CEP164: variants seen among roughly 807,000 people sequenced by gnomAD.
CEP164 encodes centrosomal protein 164, also known as centrosomal protein of 164 kDa.
CEP164 carries 162 observed loss-of-function variants against 182.7 expected under a neutral mutation model. That is an observed-to-expected ratio of 0.89 (90% CI 0.78 to 1.01). The LOEUF is 1.01. CEP164 is among the 50% of genes least tolerant of loss of function. The probability of loss-of-function intolerance (pLI) is 0.00; values close to 1 mark genes in which losing one functional copy is unlikely to be tolerated. For synonymous variants in CEP164, 661 were observed against 690.0 expected, an observed-to-expected ratio of 0.96 and a Z score of 0.66; for missense variants, 1,735 against 1,790.4, an observed-to-expected ratio of 0.97 and a Z score of 0.56.
In CEP164 at chr11:117,369,948, C is replaced by A. The variant is rs2042035215; in HGVS notation, c.766-1132C>A. On this transcript the variant is annotated intron_variant, in intron 8 of 32. Coordinates refer to ENST00000278935, the MANE Select transcript of CEP164 (RefSeq NM_014956.5). ...CTTAGCAGATTGACAGCCTCCAGCA[C>A]TGACCTTTCTATCCACCCTGCTTCA... 2.0e-5 allele frequency among the ~76,000 whole-genome samples: 3 copies of A among 152,238 alleles called. No homozygotes were observed. In the South Asian group the frequency reaches 6.2e-4, roughly 31 times the overall value.
In CEP164 at chr11:117,395,123, G is replaced by C. The variant is rs762998861; in HGVS notation, c.2845G>C (p.Glu949Gln). ...KARLALLEVQ[E>Q]ETARREKQQL... ...GAAAATCCTGTCTCTTCCCTGCAAGGAGGAGACCGCCCGGAGGGAGAAGCA... is the reference window on the plus strand; with the variant it reads ...GAAAATCCTGTCTCTTCCCTGCAAGCAGGAGACCGCCCGGAGGGAGAAGCA... The change falls in exon 23 of 33, where the codon GAG becomes CAG. Residue 949 changes from glutamate to glutamine, a missense_variant and splice_region_variant. Transcript: ENST00000278935. The C allele has an allele frequency of 1.9e-5, 31 of 1,614,192 alleles. 1 individual carries two copies. In the South Asian group the frequency reaches 3.4e-4, roughly 18 times the overall value.
At chr11:117,348,513 A>G (rs1213305266) in intron 4 of CEP164, among the ~76,000 whole-genome samples, 1 of 152,182 alleles carries the variant, frequency 6.6e-6, no homozygotes, top group Non-Finnish European at 1.5e-5. Flanking sequence ...TCTGGGTAAT[A>G]GTAGTGGTAT....
At chr11:117,357,495 C>T (rs1006430815) in intron 5 of CEP164, among the ~76,000 whole-genome samples, 2 of 148,698 alleles carry the variant, frequency 1.3e-5, no homozygotes, top group African/African-American at 5.0e-5. Flanking sequence ...CATCTCAGGT[C>T]ATTGCAACCT....
intron 27 of CEP164, among the ~76,000 whole-genome samples, chr11:117,397,677 A>G (rs551839732): frequency 2.8e-4 from 42 of 152,304 alleles, no homozygotes; most frequent in African/African-American, 9.6e-4. Context: ...GAAAATGAGG[A>G]ACAAGCAAAA....
At position 117,412,730 on chromosome 11, in the gene CEP164, ATC is replaced by A. The variant is rs1400200753; in HGVS notation, c.*568_*569del. 6.5e-6 allele frequency: 1 copy of A among 154,186 alleles called. No individual in the cohort carries two copies. The highest frequency in any genetic ancestry group is 2.4e-5 in the African/African-American group (1 of 41,290). 9.6% of individuals were successfully genotyped at this position (154,186 alleles called of 1,614,324 possible). On this transcript the variant is annotated 3_prime_UTR_variant, in exon 33 of 33. Transcript: ENST00000278935. ...AAATGCCTCTTTTCTTGAGCATTCC[ATC>A]TCTCTTTTTGACCCTCTCAGGACTG...
At chr11:117,378,225 T>C (rs962385817) in intron 11 of CEP164, among the ~76,000 whole-genome samples, 3 of 152,194 alleles carry the variant, frequency 2.0e-5, no homozygotes, top group Non-Finnish European at 4.4e-5. Flanking sequence ...TTTCAAGTAA[T>C]ACAGAAGATC....
intron 17 of CEP164, 44 bp downstream of exon 17, chr11:117,391,259 G>A (rs1329571159): frequency 1.3e-6 from 2 of 1,549,696 alleles, no homozygotes; most frequent in Non-Finnish European, 1.8e-6. Flanking sequence ...CCTGTGTCTG[G>A]GCTGCCTGGG....
chr11:117,325,978 T>C (rs564803209), upstream of CEP164, among the ~76,000 whole-genome samples: 3 of 147,858 alleles, frequency 2.0e-5, no homozygotes, highest in African/African-American at 7.5e-5. Context: ...TGTCGAGACC[T>C]TGGCTTACCA....
chr11:117,392,148 G>A (rs767802905), intron 17 of CEP164, 78 bp from the exon 18 acceptor site: 24 of 1,316,592 alleles, frequency 1.8e-5, no homozygotes, highest in East Asian at 4.8e-5. Context: ...CTTGGGGGTC[G>A]GTAGTCTTCC....
intron 4 of CEP164, among the ~76,000 whole-genome samples, chr11:117,351,262 C>T (rs1368334598): frequency 6.6e-6 from 1 of 152,186 alleles, no homozygotes; most frequent in African/African-American, 2.4e-5. Context: ...AACTCCCGAC[C>T]TCGGCCTCCC....
intron 8 of CEP164, among the ~76,000 whole-genome samples, chr11:117,369,942 C>T (rs1161550621): frequency 6.6e-6 from 1 of 152,232 alleles, no homozygotes; most frequent in East Asian, 1.9e-4. Context: ...TTGACAGCCT[C>T]CAGCACTGAC....
intron 8 of CEP164, among the ~76,000 whole-genome samples, chr11:117,364,597 T>A (rs2135750260): frequency 6.7e-6 from 1 of 149,562 alleles, no homozygotes; most frequent in Admixed American, 6.8e-5. Flanking sequence ...TGGGTGTCAC[T>A]CTGTTGCCCA....
intron 27 of CEP164, among the ~76,000 whole-genome samples, chr11:117,403,389 G>T (rs1039696247): frequency 6.6e-6 from 1 of 152,180 alleles, no homozygotes; most frequent in Non-Finnish European, 1.5e-5. Context: ...CTCAGCATTT[G>T]CTTGTCTGTA....
intron 27 of CEP164, among the ~76,000 whole-genome samples, chr11:117,403,793 A>G (rs1427461366): frequency 2.0e-5 from 3 of 152,116 alleles, no homozygotes; most frequent in African/African-American, 2.4e-5. Context: ...AGGTACACCA[A>G]TCAAACGTAG....
rs146456836 is a variant in CEP164 at position 117,410,861 on chromosome 11, C to T, written c.4130C>T (p.Pro1377Leu). The T allele has an allele frequency of 8.9e-5, 144 of 1,613,178 alleles. No individual in the cohort carries two copies. Among genetic ancestry groups the T allele is most frequent in the Middle Eastern group, 1.6e-4 (1 of 6,076 alleles). The change falls in exon 31 of 33, where the codon CCG becomes CTG. Residue 1377 changes from proline to leucine, a missense_variant. Transcript: ENST00000278935. The part of the protein sequence containing the change: ...GIPLLSNSPT[P>L]LESRLGYMSA... ...CCGCTGCTCAGCAACAGCCCCACCC[C>T]GCTGGAGAGCAGGCTGGGTTACATG...
rs750721076 is a variant in CEP164 at position 117,401,938 on chromosome 11, A to AT, written c.3501+4632dup. On this transcript the variant is annotated intron_variant, in intron 27 of 32. Coordinates refer to ENST00000278935, the MANE Select transcript of CEP164 (RefSeq NM_014956.5). ...AAAGAACCAGCTCCTGGATTGATTGATTTTTTTAAAGGGTTTTTTGTGTCT... is the reference window on the plus strand; with the variant it reads ...AAAGAACCAGCTCCTGGATTGATTGATTTTTTTTAAAGGGTTTTTTGTGTCT... Among the ~76,000 whole-genome samples, 120 of 152,024 alleles carry AT rather than the reference A, an allele frequency of 7.9e-4. 1 individual carries two copies. Among genetic ancestry groups the AT allele is most frequent in the Non-Finnish European group, 7.7e-4 (52 of 67,936 alleles).
chr11:117,370,411 G>T (rs2042085841), intron 8 of CEP164, among the ~76,000 whole-genome samples: 1 of 152,220 alleles, frequency 6.6e-6, no homozygotes, highest in Non-Finnish European at 1.5e-5. Flanking sequence ...ACTGGCTTTG[G>T]AGTCTGCAGT....
intron 24 of CEP164, among the ~76,000 whole-genome samples, 153 bp from the exon 25 acceptor site, chr11:117,395,901 C>T (rs1427114472): frequency 6.6e-6 from 1 of 152,076 alleles, no homozygotes; most frequent in Non-Finnish European, 1.5e-5. Context: ...CTGTGAAAAG[C>T]AGGGGATCTC....
At chr11:117,371,491 G>A in intron 9 of CEP164, 25 bp downstream of exon 9, 3 of 1,584,398 alleles carry the variant, frequency 1.9e-6, no homozygotes, top group South Asian at 1.2e-5. Context: ...CCCATAGGCA[G>A]GGGTTGGCTG....
Sources: gnomAD v4.1 joint callset for allele counts (sites outside exome capture counted in the v4.1 genomes callset) on GRCh38, gnomAD v4.1.1 for gene constraint, MANE v1.5 for transcripts, NCBI Gene and HGNC (gene_info 2026-07-23, HGNC 2026-07-21) for gene names.